The following ADIPOR1 variants were observed in gnomAD, a reference collection of about 807,000 sequenced individuals.
ADIPOR1 encodes the protein adiponectin receptor 1.
ADIPOR1 carries 15 observed loss-of-function variants against 37.5 expected under a neutral mutation model. That is an observed-to-expected ratio of 0.40 (90% CI 0.27 to 0.62). The LOEUF is 0.62. ADIPOR1 is among the 20% of genes least tolerant of loss of function. ADIPOR1 has a pLI of 0.42. For missense variants in ADIPOR1, 286 were observed against 478.0 expected, an observed-to-expected ratio of 0.60 and a Z score of 3.75; for synonymous variants, 173 against 173.2, an observed-to-expected ratio of 1.00 and a Z score of 0.01.
intron 4 of ADIPOR1, among the ~76,000 whole-genome samples, chr1:202,945,908 A>C (rs140651063): frequency 1.2e-3 from 188 of 152,200 alleles, no homozygotes; most frequent in African/African-American, 4.3e-3. Flanking sequence ...CTACATATTG[A>C]GTACAATGTA....
chr1:202,950,449 C>G (rs944755864), intron 2 of ADIPOR1, among the ~76,000 whole-genome samples: 1 of 151,970 alleles, frequency 6.6e-6, no homozygotes, highest in Non-Finnish European at 1.5e-5. Context: ...CTTCTCGTTT[C>G]CCTTTCATGG....
In ADIPOR1 at chr1:202,958,265, G is replaced by T. The variant is rs1293174743; in HGVS notation, c.-175C>A. 4 of 152,178 alleles carry T rather than the reference G, an allele frequency of 2.6e-5. No individual in the cohort carries two copies. The highest frequency in any genetic ancestry group is 2.1e-4 in the South Asian group (1 of 4,832). 9.4% of individuals were successfully genotyped at this position (152,178 alleles called of 1,614,324 possible). On this transcript the variant is annotated 5_prime_UTR_variant, in exon 1 of 8. Coordinates refer to ENST00000340990, the MANE Select transcript of ADIPOR1 (RefSeq NM_015999.6). ...CGCTGGAGGCGGCCTGCGGCCGAGCGGCCCCGATCTTCAGCGCCCTCCCCG... is the reference window on the plus strand; with the variant it reads ...CGCTGGAGGCGGCCTGCGGCCGAGCTGCCCCGATCTTCAGCGCCCTCCCCG...
chr1:202,942,515 T>C (rs1014092807), intron 6 of ADIPOR1, among the ~76,000 whole-genome samples: 2 of 152,216 alleles, frequency 1.3e-5, no homozygotes, highest in African/African-American at 4.8e-5. Context: ...GACTCTCTGA[T>C]GGCTAACTTG....
intron 3 of ADIPOR1, among the ~76,000 whole-genome samples, chr1:202,947,056 C>T (rs1654359006): frequency 2.0e-5 from 3 of 151,816 alleles, no homozygotes; most frequent in Admixed American, 2.0e-4. Flanking sequence ...GCGGGGGTTG[C>T]AGTGAGCCGA....
chr1:202,943,691 A>G (rs1654190330), intron 6 of ADIPOR1, 67 bp downstream of exon 6: 3 of 1,518,722 alleles, frequency 2.0e-6, no homozygotes, highest in Non-Finnish European at 1.8e-6. Flanking sequence ...TAAGGCTCAA[A>G]TAGGTTTGAG....
At chr1:202,953,221 ATACTT>A (rs1397421741) in intron 1 of ADIPOR1, among the ~76,000 whole-genome samples, 2 of 139,718 alleles carry the variant, frequency 1.4e-5, no homozygotes. Context: ...TTACTAAAAA[ATACTT>A]TATATCGCAA....
intron 1 of ADIPOR1, among the ~76,000 whole-genome samples, chr1:202,956,327 G>T (rs906799170): frequency 6.6e-6 from 1 of 152,190 alleles, no homozygotes; most frequent in Non-Finnish European, 1.5e-5. Context: ...GTTTGGCTTT[G>T]TATTAGAAGT....
chr1:202,943,734 G>A (rs1654192547), intron 6 of ADIPOR1, 24 bp downstream of exon 6: 3 of 1,610,322 alleles, frequency 1.9e-6, no homozygotes, highest in East Asian at 4.5e-5. Context: ...TACCTCTGAG[G>A]TGTACGTACA....
chr1:202,957,365 A>G (rs1245574268), intron 1 of ADIPOR1, among the ~76,000 whole-genome samples: 1 of 152,150 alleles, frequency 6.6e-6, no homozygotes, highest in Non-Finnish European at 1.5e-5. Flanking sequence ...TTAATCTAGT[A>G]AAGTACCATG....
At chr1:202,946,389 C>T (rs199888568) in intron 4 of ADIPOR1, 50 bp downstream of exon 4, 161 of 1,604,730 alleles carry the variant, frequency 1.0e-4, no homozygotes, top group Middle Eastern at 2.0e-4. Flanking sequence ...ATAATCCCTT[C>T]GCAGTTAGGG....
chr1:202,951,199 T>G, intron 1 of ADIPOR1, 35 bp from the exon 2 acceptor site: 1 of 1,059,394 alleles, frequency 9.4e-7, no homozygotes, highest in Non-Finnish European at 1.4e-6. Flanking sequence ...GATTGACAAT[T>G]TATTCCTCTT....
At chr1:202,956,212 C>T (rs1456702348) in intron 1 of ADIPOR1, among the ~76,000 whole-genome samples, 1 of 152,182 alleles carries the variant, frequency 6.6e-6, no homozygotes, top group Non-Finnish European at 1.5e-5. Context: ...AAAAAACTCA[C>T]CATAATTCAC....
chr1:202,953,331 C>T (rs1214041449), intron 1 of ADIPOR1, among the ~76,000 whole-genome samples: 1 of 151,692 alleles, frequency 6.6e-6, no homozygotes, highest in Non-Finnish European at 1.5e-5. Context: ...GAGGGGCACA[C>T]TTAGCTTGTT....
At chr1:202,941,792 C>A in intron 7 of ADIPOR1, 91 bp from the exon 8 acceptor site, 2 of 1,471,750 alleles carry the variant, frequency 1.4e-6, no homozygotes, top group Non-Finnish European at 1.8e-6. Context: ...CTAGTTTATC[C>A]TTAATTAAAC....
At chr1:202,957,369 T>C (rs552996812) in intron 1 of ADIPOR1, among the ~76,000 whole-genome samples, 2 of 152,118 alleles carry the variant, frequency 1.3e-5, no homozygotes, top group African/African-American at 2.4e-5. Context: ...TCTAGTAAAG[T>C]ACCATGGCCT....
rs540715684 is a variant in ADIPOR1, at chr1:202,943,153, C to T, written c.805+605G>A. ...AAAGTGCTGGGATTACAGGCGTGAG[C>T]CACTGCTCCCGGACAATATTTAATT... is the stretch of plus-strand genomic sequence containing the variant. On this transcript the variant is annotated intron_variant, in intron 6 of 7. Coordinates refer to ENST00000340990, the MANE Select transcript of ADIPOR1 (RefSeq NM_015999.6). Among the ~76,000 whole-genome samples the T allele has an allele frequency of 1.7e-4, 26 of 152,338 alleles. No homozygotes were observed. The East Asian group carries it at 5.0e-3, about 29-fold the overall frequency.
chr1:202,947,407 A>G (rs1244099814), intron 3 of ADIPOR1, among the ~76,000 whole-genome samples: 2 of 151,956 alleles, frequency 1.3e-5, no homozygotes, highest in African/African-American at 4.8e-5. Flanking sequence ...CTGTAATCCC[A>G]GCTACTCGGG....
rs187847901 is a variant in ADIPOR1, at chr1:202,947,526, T to A, written c.258+778A>T. On this transcript the variant is annotated intron_variant, in intron 3 of 7. Transcript: ENST00000340990. Reference sequence around the variant, plus strand: ...AGCAAAACTCTGTCTCAAAAAAATATATATATATATATGGTACAACCTCCT... The same window carrying A: ...AGCAAAACTCTGTCTCAAAAAAATAAATATATATATATGGTACAACCTCCT... Among the ~76,000 whole-genome samples, 1,193 of 151,874 alleles carry A rather than the reference T, an allele frequency of 7.9e-3. 12 individuals are homozygous for A. Among genetic ancestry groups the A allele is most frequent in the African/African-American group, 0.027 (1,101 of 41,398 alleles).
chr1:202,951,145 TCTCC>T lies in ADIPOR1; in HGVS notation c.-79_-76del. The stretch of plus-strand genomic sequence containing the variant: ...GTCTCTCAGCCCCAGGGGGCAGAGA[TCTCC>T]CTCTGATGGTAGACACTAAAAGAAA... On this transcript the variant is annotated 5_prime_UTR_variant, in exon 2 of 8. Transcript: ENST00000340990. The T allele has an allele frequency of 6.4e-7, 1 of 1,558,628 alleles. No individual in the cohort carries two copies. The highest frequency in any genetic ancestry group is 8.8e-7 in the Non-Finnish European group (1 of 1,136,192).
Sources: allele counts gnomAD v4.1 joint callset (sites outside exome capture counted in the v4.1 genomes callset), GRCh38; gene constraint gnomAD v4.1.1; transcripts MANE v1.5; gene names NCBI Gene and HGNC (gene_info 2026-07-23, HGNC 2026-07-21).